CCDC7: variants seen among roughly 807,000 people sequenced by gnomAD.
CCDC7 encodes coiled-coil domain-containing protein 7.
CCDC7 carries 183 observed loss-of-function variants against 196.9 expected under a neutral mutation model. That is an observed-to-expected ratio of 0.93 (90% confidence interval 0.82 to 1.05). The LOEUF (loss-of-function observed/expected upper bound fraction) is 1.05. Among genes scored for constraint, CCDC7 ranks in the 50% least tolerant of loss-of-function variants. The probability of loss-of-function intolerance (pLI) is 0.00; values close to 1 mark genes in which losing one functional copy is unlikely to be tolerated. For missense variants in CCDC7, 1,540 were observed against 1,482.2 expected (o/e 1.04, Z -0.64); for synonymous variants, 525 against 484.6 (o/e 1.08, Z -1.10).
intron 8 of CCDC7, among the ~76,000 whole-genome samples, chr10:32,483,289 A>G (rs2040338183): frequency 1.3e-5 from 2 of 152,216 alleles, no homozygotes; most frequent in Admixed American, 6.5e-5. Flanking sequence ...TGGCTGCATA[A>G]AAGTCTTCTT....
chr10:32,552,612 T>C (rs563721577), intron 13 of CCDC7, among the ~76,000 whole-genome samples: 3 of 152,338 alleles, frequency 2.0e-5, no homozygotes, highest in Admixed American at 1.3e-4. Flanking sequence ...AGTGGTGGCT[T>C]GGTAATGGCG....
At chr10:32,625,491 A>G (rs1010566329) in intron 18 of CCDC7, among the ~76,000 whole-genome samples, 2 of 151,608 alleles carry the variant, frequency 1.3e-5, no homozygotes, top group Non-Finnish European at 1.5e-5. Flanking sequence ...TGTATTTATT[A>G]TGGGGTATAA....
chr10:32,844,601 A>G (rs956470375), intron 33 of CCDC7, among the ~76,000 whole-genome samples: 3 of 151,844 alleles, frequency 2.0e-5, no homozygotes, highest in Admixed American at 6.6e-5. Flanking sequence ...TTAAGGTTAT[A>G]TTATCATCAT....
At chr10:32,837,782 G>A (rs1028049781) in intron 33 of CCDC7, among the ~76,000 whole-genome samples, 2 of 152,034 alleles carry the variant, frequency 1.3e-5, no homozygotes, top group African/African-American at 4.8e-5. Flanking sequence ...GTAGGGACAT[G>A]GATGAAGCTG....
At chr10:32,709,023 G>C (rs528266620) in intron 24 of CCDC7, among the ~76,000 whole-genome samples, 1 of 152,114 alleles carries the variant, frequency 6.6e-6, no homozygotes, top group African/African-American at 2.4e-5. Flanking sequence ...ACGTGCACAC[G>C]TATGTTTATT....
intron 9 of CCDC7, among the ~76,000 whole-genome samples, chr10:32,502,712 T>C (rs192034013): frequency 1.3e-5 from 2 of 152,338 alleles, no homozygotes; most frequent in East Asian, 3.9e-4. Flanking sequence ...GAAATTTTCC[T>C]AGGGATTACA....
At position 32,668,376 on chromosome 10, in the gene CCDC7, G is replaced by A. The variant is rs1288609192; in HGVS notation, c.2122+4215G>A. On this transcript the variant is annotated intron_variant, in intron 21 of 41. Coordinates refer to ENST00000639629, the Ensembl canonical transcript of CCDC7. ...TACCCTTTATTTCTTTCTCCTGCCT[G>A]ATTGCCCTGGCCAGAACTTCCAACA... Among the ~76,000 whole-genome samples, 4 of 152,156 alleles carry A rather than the reference G, an allele frequency of 2.6e-5. No individual in the cohort carries two copies. The East Asian group carries it at 5.8e-4, about 22-fold the overall frequency.
chr10:32,634,820 C>G (rs927832633), intron 19 of CCDC7, among the ~76,000 whole-genome samples: 6 of 152,176 alleles, frequency 3.9e-5, no homozygotes, highest in Non-Finnish European at 8.8e-5. Context: ...AACTAGAGAA[C>G]TAAAGTGAAA....
chr10:32,845,848 T>A, intron 35 of CCDC7, 28 bp from the exon 37 acceptor site: 1 of 1,518,280 alleles, frequency 6.6e-7, no homozygotes, highest in South Asian at 1.1e-5. Context: ...CCTTATAAAA[T>A]ATATTGAAAT....
chr10:32,719,922 G>C (rs1051572883), intron 25 of CCDC7, among the ~76,000 whole-genome samples: 12 of 152,172 alleles, frequency 7.9e-5, no homozygotes, highest in African/African-American at 2.9e-4. Flanking sequence ...CTGTTGATGG[G>C]AGTGTAAATT....
intron 9 of CCDC7, among the ~76,000 whole-genome samples, chr10:32,515,716 T>C (rs1045672940): frequency 1.2e-4 from 18 of 151,570 alleles, no homozygotes; most frequent in African/African-American, 4.1e-4. Context: ...GCTAATTTTT[T>C]TTTTTTGTAG....
rs1002905823 is a variant in CCDC7 at position 32,873,620 on chromosome 10, G to A, written c.4112-2727G>A. 4.6e-5 allele frequency among the ~76,000 whole-genome samples: 7 copies of A among 151,890 alleles called. No individual in the cohort carries two copies. The South Asian group carries it at 6.2e-4, about 14-fold the overall frequency. ...AGTCTGTACCACATTTTGTTTATCC[G>A]CTCACCAGTTGGTGGACATTTGGAT... is the stretch of plus-strand genomic sequence containing the variant. On this transcript the variant is annotated intron_variant, in intron 41 of 41. Transcript: ENST00000639629.
chr10:32,689,181 A>T lies in CCDC7; in HGVS notation c.2344+18A>T. 6.3e-6 allele frequency: 9 copies of T among 1,425,514 alleles called. No homozygotes were observed. Among genetic ancestry groups the T allele is most frequent in the Non-Finnish European group, 8.7e-6 (9 of 1,034,140 alleles). The allele number at this position is 1,425,514 out of a possible 1,614,324, so 88.3% of individuals were successfully genotyped here. A position where few individuals can be genotyped will look rare whatever the true frequency, so the allele number is the denominator to read the frequency against. ...AATTATTAGTAAGTATAAAAAGTAAAGATAACTTTAAATTATTTAAAAGTA... is the reference window on the plus strand; with the variant it reads ...AATTATTAGTAAGTATAAAAAGTAATGATAACTTTAAATTATTTAAAAGTA... On this transcript the variant is annotated intron_variant, in intron 23 of 41. Transcript: ENST00000639629.
At position 32,717,561 on chromosome 10, in the gene CCDC7, A is replaced by G. The variant is rs545722033; in HGVS notation, c.2569+5831A>G. Among the ~76,000 whole-genome samples the G allele has an allele frequency of 2.6e-5, 4 of 152,188 alleles. No homozygotes were observed. In the South Asian group the frequency reaches 8.3e-4, roughly 32 times the overall value. On this transcript the variant is annotated intron_variant, in intron 25 of 41. Transcript: ENST00000639629. ...ACTGAAGGAGAGAGAGACACGAAAA[A>G]CCCTTCAAAAATAAATGAATTCAGG... is the stretch of plus-strand genomic sequence containing the variant.
chr10:32,817,610 G>A (rs2089044423), intron 31 of CCDC7, among the ~76,000 whole-genome samples: 1 of 152,166 alleles, frequency 6.6e-6, no homozygotes, highest in Admixed American at 6.5e-5. Context: ...ACCCACAAAG[G>A]GAAGCCCATC....
At chr10:32,861,598 C>G (rs557583556) in intron 41 of CCDC7, among the ~76,000 whole-genome samples, 5 of 152,230 alleles carry the variant, frequency 3.3e-5, no homozygotes, top group African/African-American at 9.6e-5. Context: ...AGAGCTTCTG[C>G]ACAGCAAAAG....
At chr10:32,619,910 C>CTTTTTTTTTTTTTTTTTTTTTTTTT (rs56089046) in intron 18 of CCDC7, among the ~76,000 whole-genome samples, 4 of 79,276 alleles carry the variant, frequency 5.0e-5, no homozygotes, top group African/African-American at 2.0e-4. Context: ...TTCAATGTAC[C>CTTTTTTTTTTTTTTTTTTTTTTTTT]TTTTTTTTTT....
At chr10:32,861,221 G>C (rs1222155688) in intron 41 of CCDC7, among the ~76,000 whole-genome samples, 1 of 150,100 alleles carries the variant, frequency 6.7e-6, no homozygotes, top group African/African-American at 2.4e-5. Context: ...TACCAAAACA[G>C]ATATATAGAC....
chr10:32,819,311 A>G (rs184249731), intron 31 of CCDC7, among the ~76,000 whole-genome samples: 16 of 152,318 alleles, frequency 1.1e-4, no homozygotes, highest in African/African-American at 3.8e-4. Context: ...TCTGAAATTG[A>G]GGCAATAATT....
Sources: gnomAD v4.1 joint callset for allele counts (sites outside exome capture counted in the v4.1 genomes callset) on GRCh38, gnomAD v4.1.1 for gene constraint, MANE v1.5 for transcripts, NCBI Gene and HGNC (gene_info 2026-07-23, HGNC 2026-07-21) for gene names.